The following PLEKHA5 variants were observed in gnomAD, a reference collection of about 807,000 sequenced individuals.
PLEKHA5 encodes pleckstrin homology domain containing A5.
Under a neutral mutation model 181.9 loss-of-function variants are expected in PLEKHA5, and 55 were observed. The observed-to-expected ratio is 0.30, with a 90% confidence interval of 0.24 to 0.38. The LOEUF is 0.38. PLEKHA5 is among the 10% of genes least tolerant of loss of function. The pLI is 1.00. For synonymous variants in PLEKHA5, 535 were observed against 529.4 expected (o/e 1.01, Z -0.15); for missense variants, 1,432 against 1,549.5 (o/e 0.92, Z 1.27).
intron 3 of PLEKHA5, among the ~76,000 whole-genome samples, chr12:19,195,970 C>G (rs372922925): frequency 7.2e-5 from 11 of 152,168 alleles, no homozygotes; most frequent in African/African-American, 2.4e-4. Flanking sequence ...AATTAAATAA[C>G]TTTGTTTAAT....
chr12:19,186,652 T>G (rs947013981), intron 3 of PLEKHA5, among the ~76,000 whole-genome samples: 3 of 152,186 alleles, frequency 2.0e-5, no homozygotes, highest in Non-Finnish European at 4.4e-5. Context: ...CATGTTTTTT[T>G]GAAACTGACC....
chr12:19,143,407 T>A (rs2039006709), intron 3 of PLEKHA5, among the ~76,000 whole-genome samples: 1 of 152,180 alleles, frequency 6.6e-6, no homozygotes, highest in Non-Finnish European at 1.5e-5. Context: ...ATGTTAAGTG[T>A]TTTTTTCTTA....
intron 3 of PLEKHA5, among the ~76,000 whole-genome samples, chr12:19,209,951 T>TG (rs2056574761): frequency 6.6e-6 from 1 of 152,168 alleles, no homozygotes; most frequent in African/African-American, 2.4e-5. Context: ...AACAAAGGAA[T>TG]TTTGTGAGAG....
intron 3 of PLEKHA5, among the ~76,000 whole-genome samples, chr12:19,250,675 C>CT (rs987682421): frequency 6.6e-6 from 1 of 151,906 alleles, no homozygotes; most frequent in Non-Finnish European, 1.5e-5. Flanking sequence ...TTTTTAAATA[C>CT]TTTTTTTTAT....
chr12:19,292,452 A>T (rs575396088), intron 15 of PLEKHA5, among the ~76,000 whole-genome samples: 16 of 152,252 alleles, frequency 1.1e-4, no homozygotes, highest in African/African-American at 3.4e-4. Flanking sequence ...GGAGTAAGGG[A>T]GGAAGGAAGA....
chr12:19,343,433 A>G lies in PLEKHA5; in HGVS notation c.2661A>G (p.Ile887Met). 1 of 1,548,112 alleles carries G rather than the reference A, an allele frequency of 6.5e-7. No individual in the cohort carries two copies. Among genetic ancestry groups the G allele is most frequent in the Non-Finnish European group, 8.9e-7 (1 of 1,120,266 alleles). The change falls in exon 22 of 32, where the codon ATA becomes ATG. Residue 887 changes from isoleucine to methionine, a missense_variant and splice_region_variant. Physicochemically the swap from Ile to Met is conservative, Grantham distance 10. Around this residue, in one of 2 missense-constraint regions of PLEKHA5, gnomAD observed 1,143 missense variants for 1,168.4 expected, o/e 0.98. Transcript: ENST00000429027. ...AGCAGCAAAGAGGTACTACAGAAAT[A>G]GGTAAATTAGCTTTGCATTTTATTT... is the stretch of plus-strand genomic sequence containing the variant. ...KHKQQRGTTE[I>M]GMIGSKPFST...
chr12:19,134,282 G>A (rs924720073), intron 3 of PLEKHA5, among the ~76,000 whole-genome samples: 1 of 151,878 alleles, frequency 6.6e-6, no homozygotes, highest in Non-Finnish European at 1.5e-5. Context: ...GCCTAAGTAG[G>A]TTTCTCTGGA....
chr12:19,155,548 G>T (rs1316315909), intron 3 of PLEKHA5, among the ~76,000 whole-genome samples: 1 of 152,186 alleles, frequency 6.6e-6, no homozygotes, highest in Non-Finnish European at 1.5e-5. Context: ...GGCTTTAAAT[G>T]TGACCTATTT....
At chr12:19,141,243 T>C (rs920010838) in intron 3 of PLEKHA5, among the ~76,000 whole-genome samples, 1 of 152,184 alleles carries the variant, frequency 6.6e-6, no homozygotes, top group African/African-American at 2.4e-5. Flanking sequence ...CCCGTTTAGC[T>C]TTTTAACCTA....
At chr12:19,312,224 G>T (rs1170618315) in intron 15 of PLEKHA5, among the ~76,000 whole-genome samples, 2 of 152,174 alleles carry the variant, frequency 1.3e-5, no homozygotes, top group Non-Finnish European at 2.9e-5. Flanking sequence ...AAGCAAAGTA[G>T]ATTTAACATC....
chr12:19,281,892 C>T (rs929353267), intron 11 of PLEKHA5, among the ~76,000 whole-genome samples: 17 of 152,052 alleles, frequency 1.1e-4, no homozygotes, highest in Non-Finnish European at 2.4e-4. Flanking sequence ...CGCCATTCTC[C>T]TGCCTCAGCC....
intron 3 of PLEKHA5, among the ~76,000 whole-genome samples, chr12:19,244,940 A>C (rs977432324): frequency 6.6e-6 from 1 of 152,156 alleles, no homozygotes; most frequent in East Asian, 1.9e-4. Flanking sequence ...GTGGATTTTA[A>C]CTGCTTTGTC....
At chr12:19,367,046 C>T (rs911051015) in intron 30 of PLEKHA5, among the ~76,000 whole-genome samples, 5 of 151,802 alleles carry the variant, frequency 3.3e-5, no homozygotes, top group Non-Finnish European at 4.4e-5. Context: ...CCACCACACC[C>T]GGCTAATTTT....
chr12:19,281,538 A>G (rs923555960), intron 11 of PLEKHA5, among the ~76,000 whole-genome samples: 2 of 151,734 alleles, frequency 1.3e-5, no homozygotes, highest in African/African-American at 2.4e-5. Context: ...GATTGTGCCA[A>G]TGCACTTCAG....
chr12:19,256,673 G>A (rs545574472), intron 5 of PLEKHA5, among the ~76,000 whole-genome samples: 2 of 152,258 alleles, frequency 1.3e-5, no homozygotes, highest in South Asian at 4.1e-4. Context: ...AAATTCTAAA[G>A]AAGTATGCTG....
intron 3 of PLEKHA5, 27 bp from the exon 4 acceptor site, chr12:19,253,913 T>G: frequency 7.8e-7 from 1 of 1,277,466 alleles, no homozygotes; most frequent in Non-Finnish European, 1.1e-6. Context: ...ACCTGCATGT[T>G]CTGTTTTTCT....
intron 13 of PLEKHA5, among the ~76,000 whole-genome samples, chr12:19,287,817 G>A (rs2077537089): frequency 6.6e-6 from 1 of 152,202 alleles, no homozygotes; most frequent in African/African-American, 2.4e-5. Flanking sequence ...GGTGGCTCAT[G>A]CCTGTAATCC....
chr12:19,198,314 A>T (rs1056508295), intron 3 of PLEKHA5, among the ~76,000 whole-genome samples: 6 of 152,154 alleles, frequency 3.9e-5, no homozygotes, highest in Admixed American at 1.3e-4. Flanking sequence ...CTAGTCACAG[A>T]GGCCTTCTTT....
intron 15 of PLEKHA5, chr12:19,306,518 A>G (rs1422137887): frequency 8.2e-6 from 6 of 731,900 alleles, no homozygotes; most frequent in Non-Finnish European, 1.5e-5. Flanking sequence ...GTGTTGAAGC[A>G]GGAGGGAGAA....
Sources: gnomAD v4.1 joint callset for allele counts (sites outside exome capture counted in the v4.1 genomes callset) on GRCh38, gnomAD v4.1.1 for gene constraint, gnomAD v4.1.1 regional missense constraint, MANE v1.5 for transcripts, NCBI Gene and HGNC (gene_info 2026-07-23, HGNC 2026-07-21) for gene names.